SLC12A2: variants seen among roughly 807,000 people sequenced by gnomAD.
SLC12A2 encodes solute carrier family 12 member 2.
In SLC12A2, 67 loss-of-function variants were observed where a neutral mutation model predicts 136.3. The observed-to-expected ratio is 0.49, with a 90% confidence interval of 0.40 to 0.60. The LOEUF (loss-of-function observed/expected upper bound fraction) is 0.60. SLC12A2 is among the 20% of genes least tolerant of loss of function. SLC12A2 has a pLI of 0.00. For missense variants in SLC12A2, 1,322 were observed against 1,534.7 expected (o/e 0.86, Z 2.32); for synonymous variants, 619 against 562.9 (o/e 1.10, Z -1.41).
At chr5:128,109,681 C>A in intron 1 of SLC12A2, 2 of 1,065,682 alleles carry the variant, frequency 1.9e-6, no homozygotes, top group Non-Finnish European at 2.9e-6. Context: ...CTTCTCCAGG[C>A]GAAAAAGTCT....
rs1762651088 is a variant in SLC12A2 at position 128,150,093 on chromosome 5, C to G, written c.2102C>G (p.Ser701Cys). ...FSVFHASLAK[S>C]PGWRPAFKYY... ...GTATTCCATGCATCACTTGCAAAATCTCCAGGTAATTTTACATTTTTAAAA... is the reference window on the plus strand; with the variant it reads ...GTATTCCATGCATCACTTGCAAAATGTCCAGGTAATTTTACATTTTTAAAA... Residue 701 changes from serine to cysteine, a missense_variant, in exon 13 of 27, where the codon TCT (serine) becomes TGT (cysteine). Physicochemically the swap from Ser to Cys is moderately radical, Grantham distance 112. This residue lies in a region of SLC12A2 where 294 missense variants were observed against 436.6 expected (regional missense o/e 0.67). Transcript: ENST00000262461. 6.4e-7 allele frequency: 1 copy of G among 1,573,992 alleles called. No individual in the cohort carries two copies. The highest frequency in any genetic ancestry group is 8.7e-7 in the Non-Finnish European group (1 of 1,148,760).
At chr5:128,099,577 T>C (rs753318793) in intron 1 of SLC12A2, among the ~76,000 whole-genome samples, 11 of 152,224 alleles carry the variant, frequency 7.2e-5, no homozygotes, top group Non-Finnish European at 1.6e-4. Context: ...TTAAAACTTT[T>C]TGACACTTTT....
rs374971729 is a variant in SLC12A2, at chr5:128,186,487, T to G, written c.3504-9T>G. 3.2e-6 allele frequency: 5 copies of G among 1,579,732 alleles called. No individual in the cohort carries two copies. The African/African-American group carries it at 6.9e-5, about 22-fold the overall frequency. On this transcript the variant is annotated splice_polypyrimidine_tract_variant and intron_variant, in intron 26 of 26. Transcript: ENST00000262461. The stretch of plus-strand genomic sequence containing the variant: ...TTTTTTTTTTTTCTTTTTCTCTTTT[T>G]GATACCAGGAGTCTCCCAGTTGCAC...
In SLC12A2 at chr5:128,084,449, C is replaced by T. The variant is rs138234695; in HGVS notation, c.495C>T (p.Asp165=). Residue 165 remains aspartate, a synonymous_variant, in exon 1 of 27, where the codon GAC becomes GAT. Coordinates refer to ENST00000262461, the MANE Select transcript of SLC12A2 (RefSeq NM_001046.3). The surrounding 1 kb of genome is among the most constrained non-coding windows in gnomAD (Gnocchi z 5.6). ...CAGATGCTGCCGGGGTCGGAGTCGACGGGCCCAACGTGAGCTTCCAGAACG... is the reference window on the plus strand; with the variant it reads ...CAGATGCTGCCGGGGTCGGAGTCGATGGGCCCAACGTGAGCTTCCAGAACG... ...SLSDAAGVGV[D]GPNVSFQNGG... The T allele has an allele frequency of 9.4e-5, 152 of 1,612,694 alleles. No individual in the cohort carries two copies. The African/African-American group carries it at 1.3e-3, about 14-fold the overall frequency.
chr5:128,114,855 T>A (rs1263598754), intron 4 of SLC12A2, among the ~76,000 whole-genome samples, 174 bp downstream of exon 4: 1 of 152,240 alleles, frequency 6.6e-6, no homozygotes, highest in African/African-American at 2.4e-5. Context: ...AAATTTTATG[T>A]CAACTCATAC....
At chr5:128,154,524 A>G (rs1197667055) in intron 15 of SLC12A2, among the ~76,000 whole-genome samples, 2 of 152,194 alleles carry the variant, frequency 1.3e-5, no homozygotes, top group Admixed American at 6.5e-5. Context: ...ATGAAAATCA[A>G]TAGTTGCCTG....
At chr5:128,138,957 C>T (rs921488825) in intron 9 of SLC12A2, 49 bp downstream of exon 9, 43 of 1,226,242 alleles carry the variant, frequency 3.5e-5, no homozygotes, top group Non-Finnish European at 4.0e-5. Flanking sequence ...TCATGATGTA[C>T]GTACTATAAA....
Position 128,112,381 on chromosome 5 carries a change from C to A in SLC12A2, c.757-433C>A, listed in dbSNP as rs1043918124. ...TCATGGACTATAAAAAAAACATATT[C>A]GTTGGTGATGAAGAGGAGTTTTAAG... is the stretch of plus-strand genomic sequence containing the variant. On this transcript the variant is annotated intron_variant, in intron 1 of 26. Transcript: ENST00000262461. 2.0e-5 allele frequency among the ~76,000 whole-genome samples: 3 copies of A among 152,112 alleles called. No homozygotes were observed. In the East Asian group the frequency reaches 5.8e-4, roughly 29 times the overall value.
At chr5:128,089,869 A>T (rs549335192) in intron 1 of SLC12A2, among the ~76,000 whole-genome samples, 2 of 152,292 alleles carry the variant, frequency 1.3e-5, no homozygotes, top group East Asian at 3.9e-4. Context: ...ACACACTATT[A>T]ATCATTTCAG....
chr5:128,151,177 A>G (rs557966923), intron 13 of SLC12A2, 64 bp from the exon 14 acceptor site: 23 of 1,424,676 alleles, frequency 1.6e-5, no homozygotes, highest in South Asian at 2.7e-5. Context: ...TTTTGAATAC[A>G]TATGTACCAT....
chr5:128,180,513 T>G (rs1438995849), intron 22 of SLC12A2, among the ~76,000 whole-genome samples: 9 of 152,194 alleles, frequency 5.9e-5, no homozygotes, highest in African/African-American at 1.9e-4. Flanking sequence ...TCTGTGGAGA[T>G]ATAAATGGAG....
At chr5:128,123,000 A>G (rs1355475971) in intron 4 of SLC12A2, among the ~76,000 whole-genome samples, 1 of 152,132 alleles carries the variant, frequency 6.6e-6, no homozygotes, top group Non-Finnish European at 1.5e-5. Context: ...TTTGTATTCT[A>G]CAAATAGCTC....
intron 4 of SLC12A2, among the ~76,000 whole-genome samples, chr5:128,126,441 A>G (rs1161010038): frequency 1.3e-5 from 2 of 152,194 alleles, no homozygotes; most frequent in African/African-American, 4.8e-5. Context: ...GGGAATGTAA[A>G]TTAGTATAAC....
intron 23 of SLC12A2, among the ~76,000 whole-genome samples, chr5:128,181,252 A>G (rs1373814437): frequency 6.6e-6 from 1 of 152,178 alleles, no homozygotes; most frequent in African/African-American, 2.4e-5. Flanking sequence ...TTGTAACATT[A>G]AAGTGTTAAG....
At chr5:128,160,611 C>A (rs1012215044) in intron 16 of SLC12A2, among the ~76,000 whole-genome samples, 2 of 151,970 alleles carry the variant, frequency 1.3e-5, no homozygotes, top group African/African-American at 4.8e-5. Flanking sequence ...AATAATGAAC[C>A]TTTTTTAATC....
At chr5:128,109,590 C>G (rs538659796) in intron 1 of SLC12A2, 1 of 727,704 alleles carries the variant, frequency 1.4e-6, no homozygotes, top group African/African-American at 1.7e-5. Context: ...ATATGGGGAC[C>G]CAGGTTAAAA....
At chr5:128,099,008 G>C (rs1202305433) in intron 1 of SLC12A2, among the ~76,000 whole-genome samples, 1 of 152,096 alleles carries the variant, frequency 6.6e-6, no homozygotes, top group Non-Finnish European at 1.5e-5. Flanking sequence ...CAAAGTCAGG[G>C]ATCTGACAAA....
At chr5:128,089,757 T>A (rs1760242052) in intron 1 of SLC12A2, among the ~76,000 whole-genome samples, 1 of 152,230 alleles carries the variant, frequency 6.6e-6, no homozygotes, top group Non-Finnish European at 1.5e-5. Flanking sequence ...TTCCTGTCAC[T>A]TAACAAGGAC....
Position 128,158,091 on chromosome 5 carries a change from G to A in SLC12A2, c.2402G>A (p.Arg801His), listed in dbSNP as rs142105778. 17 of 1,613,464 alleles carry A rather than the reference G, an allele frequency of 1.1e-5. No homozygotes were observed. Among genetic ancestry groups the A allele is most frequent in the Non-Finnish European group, 1.4e-5 (16 of 1,179,766 alleles). The change falls in exon 16 of 27, where the codon CGT becomes CAT. Residue 801 changes from arginine (R) to histidine (H), a missense_variant. Physicochemically the swap from Arg to His is conservative, Grantham distance 29. Around this residue, in one of 8 missense-constraint regions of SLC12A2, gnomAD observed 294 missense variants for 436.6 expected, o/e 0.67. Coordinates refer to ENST00000262461, the MANE Select transcript of SLC12A2 (RefSeq NM_001046.3). The part of the protein sequence containing the change: ...CLVMTGAPNS[R>H]PALLHLVHDF... ...GTTATGACAGGTGCTCCAAACTCAC[G>A]TCCAGCTTTACTTCATCTTGTTCAT...
Sources: allele counts gnomAD v4.1 joint callset (sites outside exome capture counted in the v4.1 genomes callset), GRCh38; gene constraint gnomAD v4.1.1; regional missense constraint gnomAD v4.1.1; non-coding constraint Gnocchi (gnomAD v3.1); transcripts MANE v1.5; gene names NCBI Gene and HGNC (gene_info 2026-07-23, HGNC 2026-07-21).